Variants in SPON2 observed in about 807,000 individuals in gnomAD.
SPON2 encodes spondin 2, also known as spondin-2.
Under a neutral mutation model 29.9 loss-of-function variants are expected in SPON2, and 32 were observed. The observed-to-expected ratio is 1.07, with a 90% confidence interval of 0.81 to 1.44. The LOEUF is 1.44. Ranked by LOEUF, SPON2 falls within the 40% of genes most tolerant of loss-of-function variation. SPON2 has a pLI of 0.00. For synonymous variants in SPON2, 248 were observed against 209.1 expected, an observed-to-expected ratio of 1.19 and a Z score of -1.61; for missense variants, 541 against 455.5, an observed-to-expected ratio of 1.19 and a Z score of -1.71.
chr4:1,195,067 C>CACCTCACAGCCGGCGGT (rs1252291145), exon 1 of SPON2: 43 of 25,758 alleles, frequency 1.7e-3, no homozygotes, highest in African/African-American at 2.1e-3. Context: ...CAGCCGGCGT[C>CACCTCACAGCCGGCGGT]TCCAACCCCG....
At chr4:1,196,465 TCA>T, upstream of SPON2, among the ~76,000 whole-genome samples, 1 of 151,854 alleles carries the variant, frequency 6.6e-6, no homozygotes, top group South Asian at 2.1e-4. Context: ...ACCCTGGGGG[TCA>T]CACCAGGCAT....
At chr4:1,167,810 G>T in intron 5 of SPON2, 154 bp from the exon 6 acceptor site, 1 of 725,532 alleles carries the variant, frequency 1.4e-6, no homozygotes, top group Non-Finnish European at 2.1e-6. Flanking sequence ...CAGAGTGAGC[G>T]GCAAGATGGG....
chr4:1,176,446 TTCAC>T (rs1167655609), upstream of SPON2, among the ~76,000 whole-genome samples: 6 of 151,480 alleles, frequency 4.0e-5, no homozygotes, highest in African/African-American at 9.8e-5. Flanking sequence ...CATTCATTCA[TTCAC>T]TCACTCACAC....
intron 5 of SPON2, chr4:1,169,795 C>G (rs1178544725): frequency 6.4e-6 from 1 of 155,110 alleles, no homozygotes; most frequent in Admixed American, 6.5e-5. Flanking sequence ...AGGCCCTGAC[C>G]CACGACCCAG....
At chr4:1,183,605 T>C (rs1187064810) in intron 1 of SPON2, among the ~76,000 whole-genome samples, 2 of 152,228 alleles carry the variant, frequency 1.3e-5, no homozygotes, top group Admixed American at 6.5e-5. Flanking sequence ...GCCTAATGCA[T>C]TTTTTAAAAT....
intron 1 of SPON2, among the ~76,000 whole-genome samples, chr4:1,191,773 T>C (rs574387423): frequency 1.3e-4 from 20 of 152,166 alleles, no homozygotes; most frequent in Non-Finnish European, 2.2e-4. Context: ...ACCAGAACCA[T>C]AGGGTGTGTG....
rs1397439611 is a variant in SPON2, at chr4:1,202,550, C to G, written c.-234+5330G>C. On this transcript the variant is annotated intron_variant, in intron 1 of 3. Coordinates refer to the SPON2 transcript ENST00000509233. This position sits in a 1 kb window ranked among gnomAD's most constrained non-coding sequence, Gnocchi z 5.4. ...ACCTTCCAGACACATGGGGGCAGGG[C>G]TGGGCCCCCACGGCTTCTGTGGGCT... Among the ~76,000 whole-genome samples the G allele has an allele frequency of 6.6e-6, 1 of 152,150 alleles. No homozygotes were observed.
At chr4:1,201,021 C>T (rs1461073695) in intron 1 of SPON2, 3 of 456,436 alleles carry the variant, frequency 6.6e-6, no homozygotes, top group Admixed American at 2.3e-5. Flanking sequence ...TCCCACCATA[C>T]CTGGTCTGGG....
Position 1,171,323 on chromosome 4 carries a change from G to A in SPON2, c.384C>T (p.Ala128=), listed in dbSNP as rs576987761. 8.7e-6 allele frequency: 14 copies of A among 1,602,000 alleles called. No homozygotes were observed. The highest frequency in any genetic ancestry group is 6.6e-5 in the South Asian group (6 of 90,458). ...QSVHAVFSAP[A]VPSGTGQTSA... is the part of the protein sequence containing the mutation. ...ACGTCTGCCCGGTGCCGCTGGGGAC[G>A]GCGGGCGCCGAAAACACCGCGTGCA... Residue 128 remains alanine (A), a synonymous_variant, in exon 3 of 6, where the codon GCC becomes GCT. Transcript: ENST00000290902.
At chr4:1,203,889 G>C (rs1025248293) in intron 1 of SPON2, among the ~76,000 whole-genome samples, 11 of 149,194 alleles carry the variant, frequency 7.4e-5, no homozygotes, top group Admixed American at 4.7e-4. Context: ...TTTTTTTTTT[G>C]AGTTAGAGTC....
At chr4:1,171,675 T>G in intron 2 of SPON2, 177 bp downstream of exon 2, 2 of 759,034 alleles carry the variant, frequency 2.6e-6, no homozygotes, top group Non-Finnish European at 4.2e-6. Context: ...GAGCGCCCCC[T>G]GCCCCCACCG....
chr4:1,173,861 C>T (rs543013545), upstream of SPON2, among the ~76,000 whole-genome samples: 13 of 152,362 alleles, frequency 8.5e-5, no homozygotes, highest in African/African-American at 2.6e-4. Context: ...ATTTCCACCT[C>T]CGTGCTTCTC....
chr4:1,206,383 T>C (rs2108685037), intron 1 of SPON2, among the ~76,000 whole-genome samples: 1 of 152,312 alleles, frequency 6.6e-6, no homozygotes, highest in Non-Finnish European at 1.5e-5. Flanking sequence ...CAGCCCTTGG[T>C]CTGGCCCCAC....
Position 1,167,253 on chromosome 4 carries a change from G to C in SPON2, c.*219C>G, listed in dbSNP as rs774749880. 2 of 521,008 alleles carry C rather than the reference G, an allele frequency of 3.8e-6. No homozygotes were observed. The highest frequency in any genetic ancestry group is 6.8e-6 in the Non-Finnish European group (2 of 295,690). 32.3% of individuals were successfully genotyped at this position (521,008 alleles called of 1,614,324 possible). ...GGCTGAGAGCAGACGGGACACGGGG[G>C]CCCCTAAGAAGCAAGGTTGGGAAAG... On this transcript the variant is annotated 3_prime_UTR_variant, in exon 6 of 6. Transcript: ENST00000290902.
chr4:1,169,348 G>A (rs1577895993), intron 5 of SPON2, among the ~76,000 whole-genome samples: 1 of 152,112 alleles, frequency 6.6e-6, no homozygotes, highest in African/African-American at 2.4e-5. Flanking sequence ...GTGGACAAAT[G>A]AGTGAGGAGC....
In SPON2 at chr4:1,172,000, G is replaced by A. The variant is rs979955323; in HGVS notation, c.72C>T (p.Ala24=). 1.1e-5 allele frequency: 17 copies of A among 1,612,740 alleles called. No individual in the cohort carries two copies. Among genetic ancestry groups the A allele is most frequent in the African/African-American group, 2.7e-5 (2 of 74,934 alleles). ...LCALLLATLG[A]AGQPLGGESI... ...ACTCTCCCCCAAGAGGCTGGCCGGC[G>A]GCGCCGAGAGTGGCCAGGAGGAGAG... Residue 24 remains alanine (A), a synonymous_variant, in exon 2 of 6, where the codon GCC becomes GCT. Coordinates refer to ENST00000290902, the MANE Select transcript of SPON2 (RefSeq NM_012445.4).
chr4:1,173,948 C>G (rs1009553842), upstream of SPON2, among the ~76,000 whole-genome samples: 3 of 152,342 alleles, frequency 2.0e-5, no homozygotes, highest in Admixed American at 6.5e-5. Flanking sequence ...TGCCTGTAAT[C>G]CCAGCACTTT....
Position 1,167,667 on chromosome 4 carries a change from C to G in SPON2, c.812-11G>C. 1 of 1,579,610 alleles carries G rather than the reference C, an allele frequency of 6.3e-7. No individual in the cohort carries two copies. The highest frequency in any genetic ancestry group is 8.6e-7 in the Non-Finnish European group (1 of 1,160,328). ...GCGGCGTTTCTGGAACTGGACCAAG[C>G]AAAGGGGAGACCGAGGTGAACGCTC... On this transcript the variant is annotated splice_polypyrimidine_tract_variant and intron_variant, in intron 5 of 5. Transcript: ENST00000290902.
At chr4:1,193,688 G>C (rs1577908311) in intron 1 of SPON2, among the ~76,000 whole-genome samples, 1 of 3,484 alleles carries the variant, frequency 2.9e-4, no homozygotes, top group East Asian at 4.1e-3. Flanking sequence ...AGGATGTAGG[G>C]GGCGTGGGAA....
Sources: gnomAD v4.1 joint callset for allele counts (sites outside exome capture counted in the v4.1 genomes callset) on GRCh38, gnomAD v4.1.1 for gene constraint, Gnocchi (gnomAD v3.1) non-coding constraint, MANE v1.5 for transcripts, NCBI Gene and HGNC (gene_info 2026-07-23, HGNC 2026-07-21) for gene names.